The following TWSG1 variants were observed in gnomAD, a reference collection of about 807,000 sequenced individuals.
The protein encoded by TWSG1 is twisted gastrulation BMP signaling modulator 1, also known as twisted gastrulation protein homolog 1.
A neutral mutation model predicts 23.0 loss-of-function variants in TWSG1; 15 were observed. The ratio of observed to expected loss-of-function variants is 0.65; its 90% CI spans 0.44 to 1.00. The LOEUF is 1.00. Among genes scored for constraint, TWSG1 ranks in the 50% least tolerant of loss-of-function variants. The pLI is 0.00. For synonymous variants in TWSG1, 86 were observed against 92.8 expected (o/e 0.93, Z 0.42); for missense variants, 242 against 278.7 (o/e 0.87, Z 0.94).
At chr18:9,340,083 G>C (rs929202221) in intron 2 of TWSG1, among the ~76,000 whole-genome samples, 1 of 151,996 alleles carries the variant, frequency 6.6e-6, no homozygotes. Context: ...AAGATCTAGG[G>C]CTGGGCCGGG....
At chr18:9,348,382 T>G (rs752030943) in intron 2 of TWSG1, among the ~76,000 whole-genome samples, 1 of 152,192 alleles carries the variant, frequency 6.6e-6, no homozygotes, top group African/African-American at 2.4e-5. Context: ...GTATTTCATG[T>G]GCCAGTGATT....
At chr18:9,357,962 T>A (rs1420127670) in intron 2 of TWSG1, among the ~76,000 whole-genome samples, 1 of 152,166 alleles carries the variant, frequency 6.6e-6, no homozygotes, top group Non-Finnish European at 1.5e-5. Flanking sequence ...GTATTTGATC[T>A]AAAATGAGGA....
intron 4 of TWSG1, among the ~76,000 whole-genome samples, chr18:9,398,941 G>A (rs1352967096): frequency 6.6e-6 from 1 of 151,854 alleles, no homozygotes; most frequent in Non-Finnish European, 1.5e-5. Flanking sequence ...CTGGGAGGCG[G>A]AGGCTGCAGT....
intron 3 of TWSG1, among the ~76,000 whole-genome samples, chr18:9,394,753 G>GAC (rs923044729): frequency 1.3e-5 from 2 of 151,880 alleles, no homozygotes; most frequent in Non-Finnish European, 2.9e-5. Context: ...TCTCCCTACA[G>GAC]ACACACACAC....
chr18:9,366,699 T>G (rs1041872384), intron 3 of TWSG1, among the ~76,000 whole-genome samples: 1 of 152,232 alleles, frequency 6.6e-6, no homozygotes, highest in Non-Finnish European at 1.5e-5. Context: ...TTTCTAATAT[T>G]AAGGAATAAA....
rs775837207 is a variant in TWSG1 at position 9,340,367 on chromosome 18, C to CAA, written c.123+3037_123+3038dup. 3.3e-3 allele frequency among the ~76,000 whole-genome samples: 222 copies of CAA among 66,970 alleles called. 1 individual carries two copies. Among genetic ancestry groups the CAA allele is most frequent in the East Asian group, 5.9e-3 (12 of 2,040 alleles). The allele number at this position is 66,970 out of a possible 152,430, so 43.9% of individuals were successfully genotyped here. A position where few individuals can be genotyped will look rare whatever the true frequency, so the allele number is the denominator to read the frequency against. On this transcript the variant is annotated intron_variant, in intron 2 of 4. Coordinates refer to ENST00000262120, the MANE Select transcript of TWSG1 (RefSeq NM_020648.6). ...TGGGCGACAGAGCAAGACTCCATTT[C>CAA]AAAAAAAAAAAAAAAAAAAAAAAGA... is the stretch of plus-strand genomic sequence containing the variant.
At chr18:9,359,137 C>T (rs772735638) in intron 2 of TWSG1, among the ~76,000 whole-genome samples, 2 of 151,646 alleles carry the variant, frequency 1.3e-5, no homozygotes, top group Non-Finnish European at 2.9e-5. Flanking sequence ...ACAGTTTGAG[C>T]CTGGATCAGC....
intron 2 of TWSG1, among the ~76,000 whole-genome samples, chr18:9,340,684 A>T (rs2040442825): frequency 6.6e-6 from 1 of 152,190 alleles, no homozygotes; most frequent in Non-Finnish European, 1.5e-5. Flanking sequence ...ACGTGGCATT[A>T]GCAAGGCGGC....
At chr18:9,344,664 G>A (rs758315155) in intron 2 of TWSG1, among the ~76,000 whole-genome samples, 5 of 151,766 alleles carry the variant, frequency 3.3e-5, no homozygotes, top group African/African-American at 9.7e-5. Flanking sequence ...AAGTAGCTGG[G>A]ACTATAGGCA....
At chr18:9,365,911 C>T (rs1356519728) in intron 3 of TWSG1, among the ~76,000 whole-genome samples, 1 of 151,898 alleles carries the variant, frequency 6.6e-6, no homozygotes, top group African/African-American at 2.4e-5. Context: ...AGGGCTGAGA[C>T]AGGAGGATCA....
chr18:9,391,478 G>A (rs2040712453), intron 3 of TWSG1, among the ~76,000 whole-genome samples: 1 of 152,212 alleles, frequency 6.6e-6, no homozygotes, highest in African/African-American at 2.4e-5. Context: ...AGATCCGTCA[G>A]AGGAATCATA....
At chr18:9,347,049 T>G (rs2040480591) in intron 2 of TWSG1, among the ~76,000 whole-genome samples, 1 of 152,370 alleles carries the variant, frequency 6.6e-6, no homozygotes, top group South Asian at 2.1e-4. Flanking sequence ...TGGTATCATA[T>G]TGTTTTAATT....
rs148358336 is a variant in TWSG1 at position 9,349,334 on chromosome 18, A to G, written c.124-10638A>G. ...CTTGTGAGTACTTTGGCTAATATTT[A>G]TGATAGTTTTTAGGATGACATAAAC... is the stretch of plus-strand genomic sequence containing the variant. On this transcript the variant is annotated intron_variant, in intron 2 of 4. Transcript: ENST00000262120. 5.3e-3 allele frequency among the ~76,000 whole-genome samples: 812 copies of G among 152,356 alleles called. 4 individuals are homozygous for G. Among genetic ancestry groups the G allele is most frequent in the Middle Eastern group, 0.01 (3 of 294 alleles).
intron 3 of TWSG1, among the ~76,000 whole-genome samples, chr18:9,366,993 G>T (rs2040582121): frequency 6.6e-6 from 1 of 152,042 alleles, no homozygotes; most frequent in Admixed American, 6.5e-5. Context: ...TGTCACCCAG[G>T]CTGGAGTGCA....
chr18:9,388,380 GACT>G (rs1433153909), intron 3 of TWSG1: 1 of 152,192 alleles, frequency 6.6e-6, no homozygotes, highest in African/African-American at 2.4e-5. Flanking sequence ...CTACCATACT[GACT>G]GTTCTGTCAT....
chr18:9,353,835 T>A (rs1461329608), intron 2 of TWSG1, among the ~76,000 whole-genome samples: 1 of 152,328 alleles, frequency 6.6e-6, no homozygotes, highest in Non-Finnish European at 1.5e-5. Context: ...GATATAGTCA[T>A]TAACCAGCTG....
At chr18:9,366,602 T>C (rs1341414184) in intron 3 of TWSG1, among the ~76,000 whole-genome samples, 1 of 152,200 alleles carries the variant, frequency 6.6e-6, no homozygotes, top group African/African-American at 2.4e-5. Flanking sequence ...GTTATGACTC[T>C]CTCTTGTATC....
chr18:9,337,199 G>T lies in TWSG1; in HGVS notation c.-31G>T. ...GTTGTGTTTGTTTGTTTAGTTTCCT[G>T]GGAGTTACTGATCATCTTCTTTGAA... On this transcript the variant is annotated 5_prime_UTR_variant, in exon 2 of 5. Transcript: ENST00000262120. 6.2e-7 allele frequency: 1 copy of T among 1,605,596 alleles called. No individual in the cohort carries two copies. The highest frequency in any genetic ancestry group is 1.1e-5 in the South Asian group (1 of 90,988).
At position 9,397,833 on chromosome 18, in the gene TWSG1, C is replaced by T. The variant is rs569312181; in HGVS notation, c.490+1287C>T. 8.6e-5 allele frequency among the ~76,000 whole-genome samples: 13 copies of T among 152,014 alleles called. No individual in the cohort carries two copies. In the South Asian group the frequency reaches 1.7e-3, roughly 19 times the overall value. ...CCAGCCTGACCAACATGAGAGACCT[C>T]GTCTCTACTAGAAATACAAAATTAG... On this transcript the variant is annotated intron_variant, in intron 4 of 4. Transcript: ENST00000262120.
Sources: allele counts gnomAD v4.1 joint callset (sites outside exome capture counted in the v4.1 genomes callset), GRCh38; gene constraint gnomAD v4.1.1; transcripts MANE v1.5; gene names NCBI Gene and HGNC (gene_info 2026-07-23, HGNC 2026-07-21).